The following ZMYM2 variants were observed in gnomAD, a reference collection of about 807,000 sequenced individuals.
ZMYM2 encodes zinc finger MYM-type containing 2.
ZMYM2 carries 56 observed loss-of-function variants against 162.8 expected under a neutral mutation model. That is an observed-to-expected ratio of 0.34 (90% CI 0.28 to 0.43). The LOEUF (loss-of-function observed/expected upper bound fraction) is 0.43, where lower values mean the gene tolerates loss of function less well. ZMYM2 is among the 20% of genes least tolerant of loss of function. The pLI, the probability that ZMYM2 is intolerant of heterozygous loss-of-function variation, is 1.00. For missense variants in ZMYM2, 1,275 were observed against 1,621.8 expected, an observed-to-expected ratio of 0.79 and a Z score of 3.67; for synonymous variants, 510 against 541.6, an observed-to-expected ratio of 0.94 and a Z score of 0.81.
chr13:19,922,822 A>C, the ZMYM2 span, among the ~76,000 whole-genome samples: 8 of 151,162 alleles, frequency 5.3e-5, no homozygotes, highest in Non-Finnish European at 1.0e-4. Context: ...CCAGCCTGGG[A>C]GACAGAGCGA....
rs546180435 is a variant in ZMYM2, at chr13:20,047,419, A to G, written c.2293-4014A>G. On this transcript the variant is annotated intron_variant, in intron 12 of 24. Transcript: ENST00000610343. Reference sequence around the variant, plus strand: ...TTTATATATTAGTACATTAAAACCTATGACCCTTACAAATCATTCCGGCTT... The same window carrying G: ...TTTATATATTAGTACATTAAAACCTGTGACCCTTACAAATCATTCCGGCTT... 5.9e-5 allele frequency among the ~76,000 whole-genome samples: 9 copies of G among 152,326 alleles called. No individual in the cohort carries two copies. In the South Asian group the frequency reaches 1.7e-3, roughly 28 times the overall value.
chr13:20,051,707 G>A, intron 13 of ZMYM2, 109 bp downstream of exon 13: 1 of 1,096,064 alleles, frequency 9.1e-7, no homozygotes, highest in Non-Finnish European at 1.3e-6. Context: ...TAGCTTAACA[G>A]CAACTTAAAT....
chr13:20,083,064 TTTTTAA>T (rs1242684527), intron 23 of ZMYM2, 32 bp downstream of exon 23: 6 of 1,500,906 alleles, frequency 4.0e-6, no homozygotes, highest in Non-Finnish European at 5.3e-6. Flanking sequence ...TTTATTTTTA[TTTTTAA>T]ATTTTTTTTG....
the ZMYM2 span, among the ~76,000 whole-genome samples, chr13:19,898,730 A>G: frequency 6.6e-6 from 1 of 152,058 alleles, no homozygotes; most frequent in Non-Finnish European, 1.5e-5. Context: ...GTTTGAGACC[A>G]GTCTGGGCAA....
the ZMYM2 span, among the ~76,000 whole-genome samples, chr13:19,920,080 A>G: frequency 6.6e-6 from 1 of 152,150 alleles, no homozygotes; most frequent in Non-Finnish European, 1.5e-5. Flanking sequence ...ATGTGCTGGG[A>G]TTACCATTGT....
intron 12 of ZMYM2, among the ~76,000 whole-genome samples, chr13:20,046,924 A>C (rs570566352): frequency 6.6e-6 from 1 of 152,194 alleles, no homozygotes; most frequent in Admixed American, 6.5e-5. Context: ...ACTTTAGTCA[A>C]ATACCGGGTT....
At chr13:20,006,247 AAT>A in intron 5 of ZMYM2, 125 bp from the exon 6 acceptor site, 5 of 824,294 alleles carry the variant, frequency 6.1e-6, no homozygotes, top group East Asian at 3.2e-5. Flanking sequence ...AAAAAAAAAA[AAT>A]TTTTTTTTTC....
At chr13:20,052,725 A>G (rs1236946499) in intron 14 of ZMYM2, among the ~76,000 whole-genome samples, 2 of 152,218 alleles carry the variant, frequency 1.3e-5, no homozygotes, top group Non-Finnish European at 2.9e-5. Context: ...ACAGTTGAGT[A>G]GAAGATTGCC....
chr13:20,043,350 G>A (rs1333006925), intron 12 of ZMYM2, among the ~76,000 whole-genome samples: 1 of 152,214 alleles, frequency 6.6e-6, no homozygotes, highest in Non-Finnish European at 1.5e-5. Context: ...CAGCAGTGCA[G>A]CGTGATGGGG....
chr13:19,864,109 A>C, the ZMYM2 span: 1 of 152,382 alleles, frequency 6.6e-6, no homozygotes, highest in Non-Finnish European at 1.5e-5. Context: ...GGCGGCCTGG[A>C]TGCCCCAGCG....
intron 12 of ZMYM2, among the ~76,000 whole-genome samples, chr13:20,042,118 G>T (rs763535373): frequency 6.6e-6 from 1 of 152,060 alleles, no homozygotes; most frequent in Non-Finnish European, 1.5e-5. Context: ...AGCTAGGTTG[G>T]GAAGTTCTCA....
rs576067672 is a variant in ZMYM2 at position 20,045,871 on chromosome 13, T to A, written c.2293-5562T>A. Among the ~76,000 whole-genome samples, 11 of 152,204 alleles carry A rather than the reference T, an allele frequency of 7.2e-5. No individual in the cohort carries two copies. The East Asian group carries it at 1.3e-3, about 19-fold the overall frequency. ...TAATCTTTCTTGGAGGATTTTTTTG[T>A]TGTTGTTCACAGCAGATACTGAATG... On this transcript the variant is annotated intron_variant, in intron 12 of 24. Transcript: ENST00000610343.
In ZMYM2 at chr13:20,036,860, A is replaced by G. The variant is rs753797906; in HGVS notation, c.2243A>G (p.Asp748Gly). ...ATKELDGVVR[D>G]FCSEDCCKKF... ...AAAGAACTCGATGGTGTTGTGAGAG[A>G]TTTCTGCAGTGAAGATTGCTGTAAA... The change falls in exon 12 of 25, where the codon GAT (aspartate) becomes GGT (glycine). Residue 748 changes from aspartate to glycine, a missense_variant. Asp to Gly is a moderately conservative substitution (Grantham distance 94, BLOSUM62 -1). Transcript: ENST00000610343. 6.2e-7 allele frequency: 1 copy of G among 1,610,114 alleles called. No individual in the cohort carries two copies. The highest frequency in any genetic ancestry group is 1.1e-5 in the South Asian group (1 of 90,160).
intron 14 of ZMYM2, among the ~76,000 whole-genome samples, chr13:20,054,232 C>T (rs1427457764): frequency 6.6e-6 from 1 of 152,028 alleles, no homozygotes; most frequent in East Asian, 1.9e-4. Flanking sequence ...TTGTGAGTTT[C>T]TTTATTTGTA....
chr13:19,899,782 A>C, the ZMYM2 span, among the ~76,000 whole-genome samples: 3 of 138,216 alleles, frequency 2.2e-5, no homozygotes, highest in African/African-American at 8.1e-5. Flanking sequence ...GTGCCACTGC[A>C]CTTCAGCCTG....
chr13:19,920,281 A>C, the ZMYM2 span, among the ~76,000 whole-genome samples: 4 of 152,138 alleles, frequency 2.6e-5, no homozygotes, highest in African/African-American at 7.2e-5. Flanking sequence ...GTCAAAAAAA[A>C]CATTTTTTTT....
intron 7 of ZMYM2, among the ~76,000 whole-genome samples, chr13:20,023,940 CT>C (rs536997476): frequency 2.3e-3 from 328 of 143,372 alleles, no homozygotes; most frequent in Admixed American, 2.4e-3. Flanking sequence ...TTTTCTTCTT[CT>C]TTTTTTTTTT....
chr13:19,944,372 A>G, the ZMYM2 span, among the ~76,000 whole-genome samples: 2 of 152,236 alleles, frequency 1.3e-5, no homozygotes, highest in Non-Finnish European at 2.9e-5. Context: ...GTTAATGAGT[A>G]ATACAGTTTA....
At chr13:19,943,496 A>T in the ZMYM2 span, among the ~76,000 whole-genome samples, 15 of 152,266 alleles carry the variant, frequency 9.9e-5, no homozygotes, top group Admixed American at 9.8e-4. Flanking sequence ...ATTGAAAACC[A>T]CCTGATGTTC....
Sources: allele counts gnomAD v4.1 joint callset (sites outside exome capture counted in the v4.1 genomes callset), GRCh38; gene constraint gnomAD v4.1.1; transcripts MANE v1.5; gene names NCBI Gene and HGNC (gene_info 2026-07-23, HGNC 2026-07-21).